The following SPATA17 variants were observed in gnomAD, a reference collection of about 807,000 sequenced individuals.
SPATA17 encodes spermatogenesis associated 17, also known as spermatogenesis-associated protein 17.
In SPATA17, 53 loss-of-function variants were observed where a neutral mutation model predicts 62.2. The ratio of observed to expected loss-of-function variants is 0.85; its 90% CI spans 0.68 to 1.07. The LOEUF (loss-of-function observed/expected upper bound fraction) is 1.07, where lower values mean the gene tolerates loss of function less well. SPATA17 is among the 50% of genes least tolerant of loss of function. The pLI is 0.00. For missense variants in SPATA17, 466 were observed against 425.5 expected (o/e 1.10, Z -0.84); for synonymous variants, 146 against 146.8 (o/e 0.99, Z 0.04).
intron 9 of SPATA17, among the ~76,000 whole-genome samples, chr1:217,849,942 T>A (rs1414581116): frequency 1.3e-5 from 2 of 152,192 alleles, no homozygotes; most frequent in Non-Finnish European, 2.9e-5. Context: ...AACAGGTCAC[T>A]GTTCTTCATT....
At position 217,770,978 on chromosome 1, in the gene SPATA17, ATTTTTTTTTTT is replaced by A. The variant is rs374042087; in HGVS notation, c.520-3336_520-3326del. ...ATGTATCTATTATATAACTCATTGC[ATTTTTTTTTTT>A]TTTTTTTTTTTTTTTTTTTGCCTTT... is the stretch of plus-strand genomic sequence containing the variant. On this transcript the variant is annotated intron_variant, in intron 6 of 10. Coordinates refer to ENST00000366933, the MANE Select transcript of SPATA17 (RefSeq NM_138796.4). Among the ~76,000 whole-genome samples, 23 of 50,164 alleles carry A rather than the reference ATTTTTTTTTTT, an allele frequency of 4.6e-4. 1 individual carries two copies. Among genetic ancestry groups the A allele is most frequent in the South Asian group, 4.0e-3 (4 of 1,000 alleles). 32.9% of individuals were successfully genotyped at this position (50,164 alleles called of 152,430 possible).
chr1:217,736,942 G>C (rs1672520658), intron 5 of SPATA17, among the ~76,000 whole-genome samples: 1 of 152,186 alleles, frequency 6.6e-6, no homozygotes, highest in Non-Finnish European at 1.5e-5. Flanking sequence ...AGTAGTGACA[G>C]TTCATTGAAA....
intron 6 of SPATA17, among the ~76,000 whole-genome samples, chr1:217,746,168 G>A (rs12122016): frequency 0.46 from 69,633 of 151,724 alleles, 17,479 homozygotes; most frequent in Non-Finnish European, 0.58. Flanking sequence ...AATTGATACT[G>A]TTCATTTTAA....
chr1:217,662,543 A>G (rs1427173903), intron 3 of SPATA17, among the ~76,000 whole-genome samples: 5 of 152,152 alleles, frequency 3.3e-5, no homozygotes, highest in African/African-American at 1.2e-4. Context: ...TACATGGCTT[A>G]CCATTATAAC....
At chr1:217,851,310 T>C (rs1345999769) in intron 9 of SPATA17, among the ~76,000 whole-genome samples, 2 of 152,152 alleles carry the variant, frequency 1.3e-5, no homozygotes, top group Non-Finnish European at 2.9e-5. Flanking sequence ...ATATTAATGA[T>C]GCATGTATAC....
At chr1:217,759,268 G>A (rs1673115744) in intron 6 of SPATA17, among the ~76,000 whole-genome samples, 1 of 152,120 alleles carries the variant, frequency 6.6e-6, no homozygotes, top group South Asian at 2.1e-4. Context: ...AGACCAGCCT[G>A]GCCAACTTGG....
intron 9 of SPATA17, among the ~76,000 whole-genome samples, chr1:217,835,802 C>A (rs891449024): frequency 6.6e-6 from 1 of 152,036 alleles, no homozygotes; most frequent in Non-Finnish European, 1.5e-5. Context: ...GCAACTTCTC[C>A]GATTACTCCT....
chr1:217,796,792 G>A (rs190553163), intron 8 of SPATA17, among the ~76,000 whole-genome samples: 3 of 152,250 alleles, frequency 2.0e-5, no homozygotes, highest in African/African-American at 7.2e-5. Context: ...ATACTAATGA[G>A]CTATATATTA....
At chr1:217,801,372 A>G (rs548404787) in intron 8 of SPATA17, among the ~76,000 whole-genome samples, 10 of 152,300 alleles carry the variant, frequency 6.6e-5, no homozygotes, top group African/African-American at 2.4e-4. Context: ...TAGGGATACT[A>G]TTTTAAAATT....
At position 217,683,238 on chromosome 1, in the gene SPATA17, C is replaced by T. The variant is rs754805520; in HGVS notation, c.292-20C>T. On this transcript the variant is annotated intron_variant, in intron 4 of 10. Coordinates refer to ENST00000366933, the MANE Select transcript of SPATA17 (RefSeq NM_138796.4). ...AAAAGTGTTTAATGGCATATTTTATCTCTTTATTTACTTTAATAGATTCAG... is the reference window on the plus strand; with the variant it reads ...AAAAGTGTTTAATGGCATATTTTATTTCTTTATTTACTTTAATAGATTCAG... 19 of 1,521,074 alleles carry T rather than the reference C, an allele frequency of 1.2e-5. No individual in the cohort carries two copies. Among genetic ancestry groups the T allele is most frequent in the Non-Finnish European group, 1.5e-5 (17 of 1,114,428 alleles). 94.2% of individuals were successfully genotyped at this position (1,521,074 alleles called of 1,614,324 possible). A position where few individuals can be genotyped will look rare whatever the true frequency, so the allele number is the denominator to read the frequency against.
rs145122430 is a variant in SPATA17, at chr1:217,769,561, T to C, written c.520-4773T>C. Among the ~76,000 whole-genome samples the C allele has an allele frequency of 1.5e-4, 23 of 152,354 alleles. No homozygotes were observed. The East Asian group carries it at 4.4e-3, about 29-fold the overall frequency. On this transcript the variant is annotated intron_variant, in intron 6 of 10. Coordinates refer to ENST00000366933, the MANE Select transcript of SPATA17 (RefSeq NM_138796.4). The stretch of plus-strand genomic sequence containing the variant: ...TCTTGGAAGAGCTCCAAATGATCTC[T>C]TCAAGTTACTTTTTCAACTTTCTGG...
chr1:217,735,855 T>C (rs1332599097), intron 5 of SPATA17, among the ~76,000 whole-genome samples: 1 of 151,932 alleles, frequency 6.6e-6, no homozygotes, highest in East Asian at 1.9e-4. Flanking sequence ...ATTTTTATTA[T>C]GGTGAACAAA....
chr1:217,816,968 G>C (rs1275530053), intron 9 of SPATA17, among the ~76,000 whole-genome samples: 1 of 151,908 alleles, frequency 6.6e-6, no homozygotes, highest in Non-Finnish European at 1.5e-5. Context: ...TCATAACTCA[G>C]CTATTCTTAT....
chr1:217,665,159 G>A (rs970916204), intron 3 of SPATA17: 1 of 152,088 alleles, frequency 6.6e-6, no homozygotes, highest in Non-Finnish European at 1.5e-5. Flanking sequence ...TCACTTGATA[G>A]AGAAAAAATA....
In SPATA17 at chr1:217,651,113, G is replaced by T. The variant is rs761473708; in HGVS notation, c.175G>T (p.Val59Leu). 6.2e-7 allele frequency: 1 copy of T among 1,608,378 alleles called. No individual in the cohort carries two copies. ...TTATCCTAGGCATTTAAACAGGATT[G>T]TAACAATTATTCAAAAATGGTGGAG... is the stretch of plus-strand genomic sequence containing the variant. Reference protein sequence around the residue: ...RAYIRHLNRIVTIIQKWWRSF... With the variant: ...RAYIRHLNRILTIIQKWWRSF... The change falls in exon 3 of 11, where the codon GTA becomes TTA. Residue 59 changes from valine to leucine, a missense_variant. By Grantham distance (32) the Val-to-Leu change is conservative. Coordinates refer to ENST00000366933, the MANE Select transcript of SPATA17 (RefSeq NM_138796.4).
intron 4 of SPATA17, among the ~76,000 whole-genome samples, chr1:217,670,849 G>A (rs1670815507): frequency 6.6e-6 from 1 of 151,608 alleles, no homozygotes; most frequent in Non-Finnish European, 1.5e-5. Context: ...TACTCGGGTG[G>A]CTGAGGCAGG....
chr1:217,799,097 TTAAA>T (rs1408871193), intron 8 of SPATA17, among the ~76,000 whole-genome samples: 2 of 152,128 alleles, frequency 1.3e-5, no homozygotes, highest in African/African-American at 4.8e-5. Context: ...GATTTGAGAA[TTAAA>T]TAATTTTTTC....
At chr1:217,658,171 C>G (rs1381226039) in intron 3 of SPATA17, among the ~76,000 whole-genome samples, 2 of 152,148 alleles carry the variant, frequency 1.3e-5, no homozygotes, top group Non-Finnish European at 2.9e-5. Context: ...TGAAATATAA[C>G]CCAGTGTTGG....
At chr1:217,786,774 C>CTTCT (rs1673880015) in intron 8 of SPATA17, among the ~76,000 whole-genome samples, 2 of 139,734 alleles carry the variant, frequency 1.4e-5, no homozygotes, top group Non-Finnish European at 3.0e-5. Context: ...TCTTCTTCTT[C>CTTCT]TTCTTCTTCT....
Sources: gnomAD v4.1 joint callset for allele counts (sites outside exome capture counted in the v4.1 genomes callset) on GRCh38, gnomAD v4.1.1 for gene constraint, MANE v1.5 for transcripts, NCBI Gene and HGNC (gene_info 2026-07-23, HGNC 2026-07-21) for gene names.